PSEN2: variants seen among roughly 807,000 people sequenced by gnomAD.
PSEN2 encodes the protein presenilin 2.
In PSEN2, 32 loss-of-function variants were observed where a neutral mutation model predicts 49.1. The ratio of observed to expected loss-of-function variants is 0.65; its 90% confidence interval spans 0.49 to 0.88. The LOEUF is 0.88. Ranked by LOEUF, PSEN2 falls within the 40% of genes least tolerant of loss-of-function variation. The pLI, the probability that PSEN2 is intolerant of heterozygous loss-of-function variation, is 0.00. For missense variants in PSEN2, 522 were observed against 586.9 expected (o/e 0.89, Z 1.14); for synonymous variants, 255 against 244.0 (o/e 1.05, Z -0.42).
At chr1:226,902,473 C>G (rs1571981052) in intron 12 of PSEN2, among the ~76,000 whole-genome samples, 1 of 152,116 alleles carries the variant, frequency 6.6e-6, no homozygotes. Flanking sequence ...GAAGACCTCC[C>G]CTTGCTCCCC....
intron 9 of PSEN2, chr1:226,890,922 T>G: frequency 3.2e-6 from 1 of 310,330 alleles, no homozygotes; most frequent in Non-Finnish European, 6.1e-6. Flanking sequence ...GGAAAGCACA[T>G]TCCAGGCGCA....
At chr1:226,881,009 T>C (rs898696431) in intron 3 of PSEN2, among the ~76,000 whole-genome samples, 11 of 152,248 alleles carry the variant, frequency 7.2e-5, no homozygotes, top group African/African-American at 2.2e-4. Flanking sequence ...CGGTCTTCCC[T>C]GTCTTAGTCC....
intron 2 of PSEN2, among the ~76,000 whole-genome samples, chr1:226,874,421 G>A (rs935095330): frequency 6.6e-6 from 1 of 152,178 alleles, no homozygotes; most frequent in African/African-American, 2.4e-5. Context: ...GGCGTTGATG[G>A]CCTTTACGGT....
intron 2 of PSEN2, among the ~76,000 whole-genome samples, 190 bp downstream of exon 2, chr1:226,871,594 C>T (rs1177673733): frequency 1.3e-5 from 2 of 152,164 alleles, no homozygotes; most frequent in Admixed American, 1.3e-4. Flanking sequence ...TCCATAGAGA[C>T]GATTGTAGAC....
intron 4 of PSEN2, among the ~76,000 whole-genome samples, chr1:226,882,425 G>C (rs1473451060): frequency 6.6e-6 from 1 of 152,222 alleles, no homozygotes; most frequent in Non-Finnish European, 1.5e-5. Flanking sequence ...CAGATGGCCA[G>C]ACATGGTAAG....
chr1:226,902,918 C>T (rs540993395), intron 12 of PSEN2, among the ~76,000 whole-genome samples: 5 of 152,260 alleles, frequency 3.3e-5, no homozygotes, highest in South Asian at 4.1e-4. Context: ...AGAGCCTACT[C>T]GGAGGGGAAC....
chr1:226,870,803 G>T (rs1660224446), intron 1 of PSEN2, 154 bp downstream of exon 1: 3 of 152,500 alleles, frequency 2.0e-5, no homozygotes, highest in Non-Finnish European at 4.4e-5. Flanking sequence ...CGGCCCCTGC[G>T]TGCGCAGCGC....
chr1:226,873,164 C>T (rs559098901), intron 2 of PSEN2, among the ~76,000 whole-genome samples: 2 of 147,836 alleles, frequency 1.4e-5, no homozygotes, highest in African/African-American at 5.0e-5. Context: ...GCAACAAGAG[C>T]AAAACTCCAT....
chr1:226,875,194 A>G (rs1214306535), intron 2 of PSEN2, among the ~76,000 whole-genome samples, 171 bp from the exon 3 acceptor site: 1 of 152,200 alleles, frequency 6.6e-6, no homozygotes, highest in African/African-American at 2.4e-5. Flanking sequence ...GGCTTAGGCC[A>G]GGGAGAACCA....
Position 226,891,422 on chromosome 1 carries a change from C to T in PSEN2, c.970+61C>T. On this transcript the variant is annotated intron_variant, in intron 10 of 12. Transcript: ENST00000366783. Reference sequence around the variant, plus strand: ...TGGGGGGCAGCTCCCTACCTGCACCCAGCTCTGCTCGGCCTGGCTTCCCTG... The same window carrying T: ...TGGGGGGCAGCTCCCTACCTGCACCTAGCTCTGCTCGGCCTGGCTTCCCTG... The T allele has an allele frequency of 2.1e-6, 3 of 1,444,508 alleles. No homozygotes were observed. The South Asian group carries it at 3.6e-5, about 18-fold the overall frequency. The allele number at this position is 1,444,508 out of a possible 1,614,324, so 89.5% of individuals were successfully genotyped here. A position where few individuals can be genotyped will look rare whatever the true frequency, so the allele number is the denominator to read the frequency against.
downstream of PSEN2, among the ~76,000 whole-genome samples, chr1:226,899,967 C>G (rs1662258223): frequency 2.6e-5 from 4 of 152,184 alleles, no homozygotes; most frequent in South Asian, 8.3e-4. Context: ...GACTGAGAGA[C>G]TGGGAAATGT....
chr1:226,893,922 G>A (rs1374562291), intron 11 of PSEN2, 85 bp from the exon 12 acceptor site: 2 of 1,249,200 alleles, frequency 1.6e-6, no homozygotes, highest in African/African-American at 1.5e-5. Flanking sequence ...GGCAAGAGCA[G>A]CTGGGCCTTC....
downstream of PSEN2, among the ~76,000 whole-genome samples, chr1:226,897,357 T>A (rs1022468004): frequency 6.6e-6 from 1 of 152,146 alleles, no homozygotes; most frequent in African/African-American, 2.4e-5. Context: ...GGTTGCTGGG[T>A]GGAGACCACA....
At chr1:226,871,617 G>A (rs1464190542) in intron 2 of PSEN2, among the ~76,000 whole-genome samples, 5 of 152,232 alleles carry the variant, frequency 3.3e-5, no homozygotes, top group African/African-American at 1.2e-4. Flanking sequence ...ACTTAACTCA[G>A]AAGCGACAGC....
downstream of PSEN2, chr1:226,899,284 G>A (rs1304762953): frequency 6.6e-6 from 1 of 151,976 alleles, no homozygotes; most frequent in East Asian, 1.9e-4. Context: ...GTATTTAGTA[G>A]GGACCTAATT....
chr1:226,884,040 A>G lies in PSEN2; in HGVS notation c.356+121A>G, dbSNP rs984971847. 3.4e-6 allele frequency: 3 copies of G among 886,206 alleles called. No individual in the cohort carries two copies. In the African/African-American group the frequency reaches 4.9e-5, roughly 15 times the overall value. 54.9% of individuals were successfully genotyped at this position (886,206 alleles called of 1,614,324 possible). On this transcript the variant is annotated intron_variant, in intron 5 of 12. Transcript: ENST00000366783. ...CTCCACACCAGCAGCGGTAAAGAGC[A>G]GGGATGAAGAACCGCCCAGGTTCAT...
At chr1:226,880,161 G>A (rs1160910194) in intron 3 of PSEN2, among the ~76,000 whole-genome samples, 1 of 152,132 alleles carries the variant, frequency 6.6e-6, no homozygotes, top group South Asian at 2.1e-4. Context: ...GATCACTTGA[G>A]GCCAGGAGTT....
chr1:226,890,358 C>G (rs1661662542), intron 9 of PSEN2, among the ~76,000 whole-genome samples: 1 of 152,230 alleles, frequency 6.6e-6, no homozygotes, highest in African/African-American at 2.4e-5. Flanking sequence ...CAGTCCCTGA[C>G]TTCATCCCGT....
intron 2 of PSEN2, among the ~76,000 whole-genome samples, chr1:226,873,708 G>A (rs772424733): frequency 1.3e-5 from 2 of 152,140 alleles, no homozygotes; most frequent in East Asian, 1.9e-4. Context: ...AAGCCATTGC[G>A]CTGGGCTGAG....
Sources: allele counts gnomAD v4.1 joint callset (sites outside exome capture counted in the v4.1 genomes callset), GRCh38; gene constraint gnomAD v4.1.1; transcripts MANE v1.5; gene names NCBI Gene and HGNC (gene_info 2026-07-23, HGNC 2026-07-21).